The following RIC3 variants were observed in gnomAD, a reference collection of about 807,000 sequenced individuals.
RIC3 encodes the protein protein RIC-3.
In RIC3, 28 loss-of-function variants were observed where a neutral mutation model predicts 27.3. The observed-to-expected ratio is 1.02, with a 90% CI of 0.76 to 1.41. The LOEUF is 1.41. Ranked by LOEUF, RIC3 falls within the 40% of genes most tolerant of loss-of-function variation. The pLI is 0.00. For synonymous variants in RIC3, 184 were observed against 160.4 expected (o/e 1.15, Z -1.11); for missense variants, 501 against 444.7 (o/e 1.13, Z -1.14).
At chr11:8,134,259 C>A (rs1948095415) in intron 4 of RIC3, among the ~76,000 whole-genome samples, 1 of 152,108 alleles carries the variant, frequency 6.6e-6, no homozygotes. Context: ...GGTTTTTTAT[C>A]CTTGCAATAG....
At chr11:8,119,305 C>T (rs1215173766) in intron 5 of RIC3, among the ~76,000 whole-genome samples, 1 of 152,152 alleles carries the variant, frequency 6.6e-6, no homozygotes, top group Non-Finnish European at 1.5e-5. Context: ...TACTACAAGG[C>T]TACAGTAACC....
chr11:8,162,698 T>C (rs1400828801), intron 1 of RIC3, among the ~76,000 whole-genome samples: 2 of 138,946 alleles, frequency 1.4e-5, no homozygotes, highest in Non-Finnish European at 3.1e-5. Context: ...CAGGCTGGAA[T>C]GCAGTGGTGG....
At chr11:8,160,873 G>A (rs1201505912) in intron 1 of RIC3, among the ~76,000 whole-genome samples, 1 of 152,196 alleles carries the variant, frequency 6.6e-6, no homozygotes, top group Non-Finnish European at 1.5e-5. Context: ...TGAAGAAAGG[G>A]ACATAATACT....
chr11:8,113,082 TC>T (rs924055980), intron 5 of RIC3, among the ~76,000 whole-genome samples: 3 of 152,212 alleles, frequency 2.0e-5, no homozygotes, highest in Non-Finnish European at 4.4e-5. Flanking sequence ...CAGTCTTTAT[TC>T]CAAGGCTTAA....
chr11:8,128,326 T>C (rs1947236703), intron 4 of RIC3: 1 of 455,222 alleles, frequency 2.2e-6, no homozygotes, highest in South Asian at 1.6e-5. Context: ...TTCTGTTTCC[T>C]AAGTCATGGG....
At chr11:8,150,265 CCTCTT>C (rs960009423) in intron 1 of RIC3, among the ~76,000 whole-genome samples, 4 of 152,152 alleles carry the variant, frequency 2.6e-5, no homozygotes, top group Non-Finnish European at 4.4e-5. Context: ...AATAAAGTCT[CCTCTT>C]CTCTTCTCAA....
At chr11:8,148,768 A>C (rs182130876) in intron 1 of RIC3, among the ~76,000 whole-genome samples, 82 of 152,298 alleles carry the variant, frequency 5.4e-4, no homozygotes, top group Non-Finnish European at 1.0e-3. Context: ...TCAAAACCAG[A>C]ATATCTAAAA....
At chr11:8,129,664 C>A (rs1385422056) in intron 4 of RIC3, among the ~76,000 whole-genome samples, 1 of 152,192 alleles carries the variant, frequency 6.6e-6, no homozygotes, top group Non-Finnish European at 1.5e-5. Context: ...GCAGAATCAT[C>A]AAGTTCCAAA....
At chr11:8,097,767 C>A in the RIC3 span, 1 of 1,614,120 alleles carries the variant, frequency 6.2e-7, no homozygotes, top group East Asian at 2.2e-5. Context: ...CCAATTACCT[C>A]ATCTCTGTGG....
At chr11:8,164,774 T>A (rs1305164422) in intron 1 of RIC3, among the ~76,000 whole-genome samples, 1 of 118,060 alleles carries the variant, frequency 8.5e-6, no homozygotes. Flanking sequence ...TGAGACCCTG[T>A]CTCTCTCAAA....
chr11:8,166,581 A>C (rs11041777), intron 1 of RIC3, among the ~76,000 whole-genome samples: 1 of 152,206 alleles, frequency 6.6e-6, no homozygotes, highest in Non-Finnish European at 1.5e-5. Context: ...GAGAACATAC[A>C]GTTTTAGGCT....
At chr11:8,165,946 T>C (rs1163688543) in intron 1 of RIC3, among the ~76,000 whole-genome samples, 2 of 151,862 alleles carry the variant, frequency 1.3e-5, no homozygotes, top group African/African-American at 2.4e-5. Flanking sequence ...GCCCAGCTAA[T>C]TGAAAAAAAA....
chr11:8,165,772 T>TG (rs200193027), intron 1 of RIC3, among the ~76,000 whole-genome samples: 3,037 of 115,890 alleles, frequency 0.026, 112 homozygotes, highest in African/African-American at 0.11. Context: ...TGGGGTTTTT[T>TG]TTTTGTTTTG....
chr11:8,168,927 C>A lies in RIC3; in HGVS notation c.63G>T (p.Leu21=), dbSNP rs1387851225. ...GGGACAGGAAGGCCTTGGGCAGCAG[C>A]AGCGACAGAGCCAGGACAAGCCCAG... ...LASGLVLALS[L]LLPKAFLSRG... Residue 21 remains leucine (L), a synonymous_variant, in exon 1 of 6, where the codon CTG becomes CTT. Coordinates refer to ENST00000309737, the MANE Select transcript of RIC3 (RefSeq NM_001206671.4). The A allele has an allele frequency of 1.2e-6, 2 of 1,611,698 alleles. No homozygotes were observed. Among genetic ancestry groups the A allele is most frequent in the South Asian group, 2.2e-5 (2 of 90,922 alleles).
At chr11:8,157,477 G>C (rs1950771683) in intron 1 of RIC3, among the ~76,000 whole-genome samples, 1 of 152,112 alleles carries the variant, frequency 6.6e-6, no homozygotes, top group South Asian at 2.1e-4. Context: ...AATTCCCCAT[G>C]GTGTGCATTC....
At chr11:8,157,793 A>G (rs1211328529) in intron 1 of RIC3, among the ~76,000 whole-genome samples, 1 of 152,222 alleles carries the variant, frequency 6.6e-6, no homozygotes, top group Non-Finnish European at 1.5e-5. Flanking sequence ...TAGAATAGAA[A>G]CTGGCAATTA....
chr11:8,125,971 A>G (rs947360272), intron 5 of RIC3, among the ~76,000 whole-genome samples: 1 of 152,180 alleles, frequency 6.6e-6, no homozygotes, highest in African/African-American at 2.4e-5. Flanking sequence ...CCCACGAGGT[A>G]GAGGTTGCAG....
chr11:8,101,128 G>A (rs1232488388), downstream of RIC3: 10 of 1,132,044 alleles, frequency 8.8e-6, no homozygotes, highest in African/African-American at 1.5e-5. Flanking sequence ...AAGGTTAGAT[G>A]TATGGAACTT....
chr11:8,093,575 C>T, the RIC3 span, among the ~76,000 whole-genome samples: 1 of 152,182 alleles, frequency 6.6e-6, no homozygotes, highest in Non-Finnish European at 1.5e-5. Flanking sequence ...AGCACTCCTA[C>T]ACCCCAGCCT....
Sources: gnomAD v4.1 joint callset for allele counts (sites outside exome capture counted in the v4.1 genomes callset) on GRCh38, gnomAD v4.1.1 for gene constraint, MANE v1.5 for transcripts, NCBI Gene and HGNC (gene_info 2026-07-23, HGNC 2026-07-21) for gene names.